The following CROCC variants were observed in gnomAD, a reference collection of about 807,000 sequenced individuals.
The protein encoded by CROCC is ciliary rootlet coiled-coil, rootletin, also known as rootletin.
CROCC carries 180 observed loss-of-function variants against 245.2 expected under a neutral mutation model. The observed-to-expected ratio is 0.73, with a 90% CI of 0.65 to 0.83. The LOEUF (loss-of-function observed/expected upper bound fraction) is 0.83. Ranked by LOEUF, CROCC falls within the 40% of genes least tolerant of loss-of-function variation. CROCC has a pLI of 0.00. For synonymous variants in CROCC, 1,205 were observed against 1,241.6 expected (o/e 0.97, Z 0.62); for missense variants, 2,688 against 2,779.4 (o/e 0.97, Z 0.74).
At chr1:16,967,456 A>G (rs1312310619) in intron 30 of CROCC, among the ~76,000 whole-genome samples, 2 of 152,110 alleles carry the variant, frequency 1.3e-5, no homozygotes, top group East Asian at 1.9e-4. Flanking sequence ...TGCGGCTTCA[A>G]CCCTGGCCAT....
At chr1:16,942,586 T>TAGTCTTCCTG (rs2075956209) in intron 13 of CROCC, among the ~76,000 whole-genome samples, 1 of 152,296 alleles carries the variant, frequency 6.6e-6, no homozygotes, top group African/African-American at 2.4e-5. Context: ...CTCTGTGATT[T>TAGTCTTCCTG]AGTCTTCCTG....
chr1:16,914,232 C>T (rs912601707), intron 1 of CROCC, among the ~76,000 whole-genome samples: 2 of 152,176 alleles, frequency 1.3e-5, no homozygotes, highest in Admixed American at 6.5e-5. Context: ...GAGCCACGTA[C>T]CGGGGCTGGG....
intron 8 of CROCC, 89 bp downstream of exon 8, chr1:16,931,486 A>C (rs2075676986): frequency 3.9e-6 from 5 of 1,271,208 alleles, no homozygotes; most frequent in Non-Finnish European, 2.3e-6. Context: ...AGTTCAACTC[A>C]ACGCACTTAC....
At chr1:16,953,010 GGGCTGTGTTCTT>G (rs1288334482) in intron 20 of CROCC, 8 of 380,468 alleles carry the variant, frequency 2.1e-5, no homozygotes, top group Admixed American at 3.6e-5. Flanking sequence ...GCCTTTCCAG[GGGCTGTGTTCTT>G]GGCCTGGGGT....
In CROCC at chr1:16,972,430, G is replaced by A; in HGVS notation, c.6038G>A (p.Gly2013Asp). The change falls in exon 37 of 37, where the codon GGC becomes GAC. Residue 2013 changes from glycine to aspartate, a missense_variant. Gly to Asp is a moderately conservative substitution (Grantham distance 94, BLOSUM62 -1). Around this residue, in one of 9 missense-constraint regions of CROCC, gnomAD observed 1,218 missense variants for 1,286.3 expected, o/e 0.95. Transcript: ENST00000375541. The stretch of plus-strand genomic sequence containing the variant: ...TCAGCACCCTTCTCCCCACCCTCCG[G>A]CCCCCCAGAGAAATGAGCTCCTGCT... The part of the protein sequence containing the change: ...RSSAPFSPPS[G>D]PPEK 6.2e-7 allele frequency: 1 copy of A among 1,612,218 alleles called. No individual in the cohort carries two copies. The highest frequency in any genetic ancestry group is 8.5e-7 in the Non-Finnish European group (1 of 1,179,164).
At chr1:16,969,694 T>C (rs2076480836) in intron 32 of CROCC, 91 bp from the exon 33 acceptor site, 10 of 1,506,420 alleles carry the variant, frequency 6.6e-6, no homozygotes, top group Non-Finnish European at 8.8e-6. Context: ...CTGCCTGTTT[T>C]ATGCTCTGTG....
chr1:16,934,602 C>T (rs1396269871), intron 8 of CROCC, among the ~76,000 whole-genome samples: 1 of 152,268 alleles, frequency 6.6e-6, no homozygotes, highest in African/African-American at 2.4e-5. Context: ...CATGCCTGGC[C>T]TTAAAATACA....
rs748738913 is a variant in CROCC at position 16,924,340 on chromosome 1, C to T, written c.212C>T (p.Thr71Ile). 9 of 1,612,800 alleles carry T rather than the reference C, an allele frequency of 5.6e-6. No individual in the cohort carries two copies. Among genetic ancestry groups the T allele is most frequent in the Non-Finnish European group, 6.8e-6 (8 of 1,179,666 alleles). ...CCCTTGCCAGTCCTGCTGCCGGCCA[C>T]AGAGATGGCATCGCTGCTGTCGCTG... Reference protein sequence around the residue: ...QPESPVLLPATEMASLLSLQE... With the variant: ...QPESPVLLPAIEMASLLSLQE... The change falls in exon 3 of 37, where the codon ACA becomes ATA. Residue 71 changes from threonine to isoleucine, a missense_variant. Physicochemically the swap from Thr to Ile is moderately conservative, Grantham distance 89. Coordinates refer to ENST00000375541, the MANE Select transcript of CROCC (RefSeq NM_014675.5).
At chr1:16,932,236 G>C (rs2075693504) in intron 8 of CROCC, among the ~76,000 whole-genome samples, 1 of 152,216 alleles carries the variant, frequency 6.6e-6, no homozygotes, top group African/African-American at 2.4e-5. Context: ...CTGAGGTTAG[G>C]AGTTCAAGAC....
chr1:16,953,032 TG>T, intron 20 of CROCC: 1 of 430,834 alleles, frequency 2.3e-6, no homozygotes, highest in Non-Finnish European at 4.3e-6. Context: ...TGGCCTGGGG[TG>T]GTCTTTTCTC....
chr1:16,969,055 G>A, intron 31 of CROCC, 61 bp from the exon 32 acceptor site: 1 of 1,490,850 alleles, frequency 6.7e-7, no homozygotes, highest in Non-Finnish European at 9.2e-7. Flanking sequence ...GTCACAGTGG[G>A]AGCAGAGGTA....
chr1:16,937,339 C>A (rs866602413), intron 9 of CROCC, among the ~76,000 whole-genome samples: 1 of 148,738 alleles, frequency 6.7e-6, no homozygotes, highest in African/African-American at 2.5e-5. Context: ...GATGACAGAG[C>A]GAAACTCCGT....
chr1:16,921,976 T>C lies in CROCC; in HGVS notation c.-43T>C. ...CGTGCTGACTGAGCTAGTCTTGGGG[T>C]CCTGGAGAAGGGGGCTGGAGGCATG... On this transcript the variant is annotated 5_prime_UTR_variant, in exon 1 of 37. Transcript: ENST00000375541. 6.6e-7 allele frequency: 1 copy of C among 1,522,668 alleles called. No individual in the cohort carries two copies. Among genetic ancestry groups the C allele is most frequent in the Middle Eastern group, 1.7e-4 (1 of 5,864 alleles). 94.3% of individuals were successfully genotyped at this position (1,522,668 alleles called of 1,614,324 possible). A position where few individuals can be genotyped will look rare whatever the true frequency, so the allele number is the denominator to read the frequency against.
In CROCC at chr1:16,961,081, A is replaced by AGCCCC; in HGVS notation, c.4359_4363dup (p.Arg1455ProfsTer28). On this transcript the variant is annotated frameshift_variant, in exon 27 of 37. Coordinates refer to ENST00000375541, the MANE Select transcript of CROCC (RefSeq NM_014675.5). LOFTEE classifies it high-confidence loss of function. ...TCGGCCTCGGTCGCGCGCCCAGCCC[A>AGCCCC]GCCCCGCGGCCAGTGCCCGGTTCCC... is the stretch of plus-strand genomic sequence containing the variant. 5.9e-6 allele frequency: 8 copies of AGCCCC among 1,362,574 alleles called. No individual in the cohort carries two copies. The highest frequency in any genetic ancestry group is 7.5e-6 in the Non-Finnish European group (8 of 1,061,392). 84.4% of individuals were successfully genotyped at this position (1,362,574 alleles called of 1,614,324 possible).
chr1:16,939,226 G>GCGGGGA, intron 12 of CROCC, 84 bp downstream of exon 12: 1 of 1,065,280 alleles, frequency 9.4e-7, no homozygotes, highest in Non-Finnish European at 1.3e-6. Context: ...GGGGGCGGGG[G>GCGGGGA]CAGGTCCGGG....
intron 17 of CROCC, 85 bp from the exon 18 acceptor site, chr1:16,948,246 T>G (rs1261382239): frequency 1.4e-6 from 2 of 1,447,880 alleles, no homozygotes; most frequent in African/African-American, 2.8e-5. Flanking sequence ...CTGCCAGGAC[T>G]GGGTTAGGCC....
chr1:16,949,527 A>G (rs945115622), intron 19 of CROCC, among the ~76,000 whole-genome samples: 1 of 152,204 alleles, frequency 6.6e-6, no homozygotes, highest in African/African-American at 2.4e-5. Flanking sequence ...AGTCATTTCC[A>G]TTAATATAAA....
intron 17 of CROCC, among the ~76,000 whole-genome samples, chr1:16,947,347 T>C (rs2076072277): frequency 6.6e-6 from 1 of 152,210 alleles, no homozygotes; most frequent in African/African-American, 2.4e-5. Flanking sequence ...CACGCGCCTG[T>C]AGTCCCAGCT....
Position 16,963,859 on chromosome 1 carries a change from G to A in CROCC, c.4406-1864G>A, listed in dbSNP as rs563482999. ...TGCCTATGCTGGAGTGCAATGGCGC[G>A]ATCTCGACTCACTGCAACCTCCGCC... is the stretch of plus-strand genomic sequence containing the variant. On this transcript the variant is annotated intron_variant, in intron 27 of 36. Transcript: ENST00000375541. Among the ~76,000 whole-genome samples the A allele has an allele frequency of 1.7e-4, 26 of 151,770 alleles. No individual in the cohort carries two copies. The South Asian group carries it at 5.2e-3, about 30-fold the overall frequency.
Sources: allele counts gnomAD v4.1 joint callset (sites outside exome capture counted in the v4.1 genomes callset), GRCh38; gene constraint gnomAD v4.1.1; regional missense constraint gnomAD v4.1.1; transcripts MANE v1.5; gene names NCBI Gene and HGNC (gene_info 2026-07-23, HGNC 2026-07-21).